The following ARID1B variants were observed in gnomAD, a reference collection of about 807,000 sequenced individuals.
The protein encoded by ARID1B is AT-rich interaction domain 1B.
In ARID1B, 30 loss-of-function variants were observed where a neutral mutation model predicts 212.3. The observed-to-expected ratio is 0.14, with a 90% CI of 0.11 to 0.19. The LOEUF (loss-of-function observed/expected upper bound fraction) is 0.19, where lower values mean the gene tolerates loss of function less well. ARID1B is among the 10% of genes least tolerant of loss of function. The pLI is 1.00. For missense variants in ARID1B, 2,891 were observed against 3,204.0 expected (o/e 0.90, Z 2.36); for synonymous variants, 1,402 against 1,301.7 (o/e 1.08, Z -1.66).
At chr6:156,925,705 CAT>C (rs1229170173) in intron 3 of ARID1B, among the ~76,000 whole-genome samples, 2 of 152,038 alleles carry the variant, frequency 1.3e-5, no homozygotes, top group African/African-American at 2.4e-5. Flanking sequence ...GCAGTTTAGA[CAT>C]GTGATTTTTA....
At chr6:156,927,265 G>A (rs1791299824) in intron 3 of ARID1B, among the ~76,000 whole-genome samples, 2 of 151,610 alleles carry the variant, frequency 1.3e-5, no homozygotes, top group Admixed American at 6.6e-5. Context: ...TCTCCTTCTC[G>A]TCCTCTCACT....
At chr6:156,886,885 C>T (rs193065154) in intron 2 of ARID1B, among the ~76,000 whole-genome samples, 1 of 152,298 alleles carries the variant, frequency 6.6e-6, no homozygotes, top group Non-Finnish European at 1.5e-5. Context: ...TCTCCTCTTC[C>T]CTTCCCTTTA....
intron 3 of ARID1B, among the ~76,000 whole-genome samples, chr6:156,929,578 G>A (rs1412847274): frequency 1.3e-5 from 2 of 152,182 alleles, no homozygotes; most frequent in Admixed American, 1.3e-4. Flanking sequence ...TACTCAAATC[G>A]TCATTCATTC....
intron 1 of ARID1B, among the ~76,000 whole-genome samples, chr6:156,787,094 G>A (rs746381666): frequency 3.3e-5 from 5 of 151,808 alleles, no homozygotes; most frequent in African/African-American, 4.8e-5. Context: ...GTGCCAGAGC[G>A]AAATATAGAT....
intron 6 of ARID1B, among the ~76,000 whole-genome samples, chr6:157,123,747 T>C (rs1787939545): frequency 6.6e-6 from 1 of 152,274 alleles, no homozygotes. Flanking sequence ...TGAATAATAG[T>C]AGCTATCATT....
In ARID1B at chr6:157,148,437, G is replaced by A. The variant is rs1789956336; in HGVS notation, c.2762-187G>A. Reference sequence around the variant, plus strand: ...GCTGTCTGTATTTGAGTCACTCTCTGAGGGCCTGGGAGTGTGCAGAGAGAG... The same window carrying A: ...GCTGTCTGTATTTGAGTCACTCTCTAAGGGCCTGGGAGTGTGCAGAGAGAG... On this transcript the variant is annotated intron_variant, in intron 7 of 19. Transcript: ENST00000636930. This position sits in a 1 kb window ranked among gnomAD's most constrained non-coding sequence, Gnocchi z 5.6. Among the ~76,000 whole-genome samples, 1 of 152,162 alleles carries A rather than the reference G, an allele frequency of 6.6e-6. No individual in the cohort carries two copies. The highest frequency in any genetic ancestry group is 2.4e-5 in the African/African-American group (1 of 41,418).
chr6:156,993,145 G>A (rs762207199), intron 4 of ARID1B, among the ~76,000 whole-genome samples: 17 of 150,464 alleles, frequency 1.1e-4, no homozygotes, highest in Non-Finnish European at 1.9e-4. Flanking sequence ...CGGTTCAAGC[G>A]ATTCTCCTGC....
chr6:156,845,037 C>T (rs116154273), intron 2 of ARID1B, among the ~76,000 whole-genome samples: 5 of 152,226 alleles, frequency 3.3e-5, no homozygotes, highest in African/African-American at 7.2e-5. Flanking sequence ...ATAGCCTTCC[C>T]GTGTCTGGGG....
At chr6:157,149,422 GTGTT>G (rs1235614436) in intron 8 of ARID1B, 2 of 161,280 alleles carry the variant, frequency 1.2e-5, no homozygotes, top group Non-Finnish European at 2.7e-5. Flanking sequence ...CGTGTATTGT[GTGTT>G]TGTCTAAATG....
At chr6:156,940,385 T>A (rs1402918565) in intron 4 of ARID1B, 1 of 152,264 alleles carries the variant, frequency 6.6e-6, no homozygotes, top group Non-Finnish European at 1.5e-5. Flanking sequence ...ATGTGTTGAA[T>A]AGTGCTTATG....
intron 4 of ARID1B, among the ~76,000 whole-genome samples, chr6:156,986,422 T>C (rs1759073948): frequency 6.6e-6 from 1 of 152,222 alleles, no homozygotes; most frequent in East Asian, 1.9e-4. Flanking sequence ...TTTTTAAGCT[T>C]ATTCAAAGCC....
At chr6:156,784,436 G>C (rs1779496392) in intron 1 of ARID1B, among the ~76,000 whole-genome samples, 1 of 152,054 alleles carries the variant, frequency 6.6e-6, no homozygotes, top group African/African-American at 2.4e-5. Flanking sequence ...GGTTTAATTG[G>C]GTAATTGAGT....
chr6:156,894,889 G>T (rs1582893590), intron 2 of ARID1B, among the ~76,000 whole-genome samples: 1 of 152,146 alleles, frequency 6.6e-6, no homozygotes, highest in East Asian at 1.9e-4. Flanking sequence ...ATTGACTGTG[G>T]TGTGTGATTT....
chr6:156,778,572 G>A lies in ARID1B; in HGVS notation c.892G>A (p.Val298Ile). 2.4e-6 allele frequency: 3 copies of A among 1,244,438 alleles called. No individual in the cohort carries two copies. The highest frequency in any genetic ancestry group is 2.0e-6 in the Non-Finnish European group (2 of 996,578). 77.1% of individuals were successfully genotyped at this position (1,244,438 alleles called of 1,614,324 possible). A position where few individuals can be genotyped will look rare whatever the true frequency, so the allele number is the denominator to read the frequency against. ...CGCCCTGGGCACGCAGCAGCCGCCGGTCGCCGTGCCCGGGGGCGGCGGCGG... is the reference window on the plus strand; with the variant it reads ...CGCCCTGGGCACGCAGCAGCCGCCGATCGCCGTGCCCGGGGGCGGCGGCGG... ...LGALGTQQPP[V>I]AVPGGGGGPA... The change falls in exon 1 of 20, where the codon GTC becomes ATC. Residue 298 changes from valine to isoleucine, a missense_variant. By Grantham distance (29) the Val-to-Ile change is conservative. This residue lies in a region of ARID1B where 1,643 missense variants were observed against 1,544.0 expected (regional missense o/e 1.06). Coordinates refer to ENST00000636930, the MANE Select transcript of ARID1B (RefSeq NM_001374828.1).
chr6:156,974,083 G>A (rs1777090730), intron 4 of ARID1B, among the ~76,000 whole-genome samples: 1 of 152,198 alleles, frequency 6.6e-6, no homozygotes, highest in Non-Finnish European at 1.5e-5. Flanking sequence ...GAGAGACTAG[G>A]GAAGAAATGA....
In ARID1B at chr6:156,905,659, T is replaced by C. The variant is rs1418625332; in HGVS notation, c.2136+4134T>C. ...TGGGGTCATTTTGGGATTTCTGTTA[T>C]TCTCCATTGGCTCTTCTATGAATGC... On this transcript the variant is annotated intron_variant, in intron 3 of 19. Coordinates refer to ENST00000636930, the MANE Select transcript of ARID1B (RefSeq NM_001374828.1). 6.6e-5 allele frequency among the ~76,000 whole-genome samples: 10 copies of C among 152,214 alleles called. No homozygotes were observed. In the East Asian group the frequency reaches 1.9e-3, roughly 29 times the overall value.
chr6:157,035,948 T>C (rs567926804), intron 4 of ARID1B, among the ~76,000 whole-genome samples: 12 of 152,350 alleles, frequency 7.9e-5, no homozygotes, highest in African/African-American at 2.6e-4. Flanking sequence ...ATACATTAGA[T>C]AGGCCTATGT....
intron 7 of ARID1B, among the ~76,000 whole-genome samples, chr6:157,136,483 A>C (rs1167740100): frequency 6.6e-6 from 1 of 152,190 alleles, no homozygotes; most frequent in Admixed American, 6.5e-5. Context: ...CGGTTCATTC[A>C]TTCAGTAAGC....
chr6:157,159,378 A>AC (rs1790778973), intron 8 of ARID1B, among the ~76,000 whole-genome samples: 1 of 152,170 alleles, frequency 6.6e-6, no homozygotes, highest in Non-Finnish European at 1.5e-5. Context: ...TCGCCTCAGA[A>AC]CCCCTGAGCT....
Sources: gnomAD v4.1 joint callset for allele counts (sites outside exome capture counted in the v4.1 genomes callset) on GRCh38, gnomAD v4.1.1 for gene constraint, gnomAD v4.1.1 regional missense constraint, Gnocchi (gnomAD v3.1) non-coding constraint, MANE v1.5 for transcripts, NCBI Gene and HGNC (gene_info 2026-07-23, HGNC 2026-07-21) for gene names.